CALN1: variants seen among roughly 807,000 people sequenced by gnomAD.
CALN1 encodes the protein calneuron 1.
CALN1 carries 17 observed loss-of-function variants against 30.6 expected under a neutral mutation model. That is an observed-to-expected ratio of 0.56 (90% CI 0.38 to 0.83). The LOEUF is 0.83. CALN1 is among the 40% of genes least tolerant of loss of function. The pLI is 0.00. For missense variants in CALN1, 291 were observed against 354.9 expected, an observed-to-expected ratio of 0.82 and a Z score of 1.45; for synonymous variants, 156 against 131.4, an observed-to-expected ratio of 1.19 and a Z score of -1.28.
At chr7:71,808,993 C>T (rs759259269) in intron 6 of CALN1, among the ~76,000 whole-genome samples, 4 of 152,146 alleles carry the variant, frequency 2.6e-5, no homozygotes, top group Non-Finnish European at 5.9e-5. Context: ...CAGTGTGACT[C>T]CCACTCCAAA....
At chr7:72,432,293 G>A (rs1246106272) in intron 1 of CALN1, among the ~76,000 whole-genome samples, 4 of 152,110 alleles carry the variant, frequency 2.6e-5, no homozygotes, top group Non-Finnish European at 5.9e-5. Context: ...CCATGGTTGT[G>A]AAGCCTCCCC....
At chr7:72,088,019 T>A (rs1300560671) in intron 4 of CALN1, among the ~76,000 whole-genome samples, 2 of 151,884 alleles carry the variant, frequency 1.3e-5, no homozygotes, top group African/African-American at 4.8e-5. Flanking sequence ...ATTGAAAAAA[T>A]TTGCCAGGTG....
intron 3 of CALN1, among the ~76,000 whole-genome samples, chr7:72,192,970 T>C (rs1249593280): frequency 1.3e-5 from 2 of 151,886 alleles, no homozygotes; most frequent in Non-Finnish European, 2.9e-5. Context: ...GGCGGATCAC[T>C]TGAGGTCAGG....
At chr7:71,788,703 G>C (rs1437703601) in intron 6 of CALN1, among the ~76,000 whole-genome samples, 3 of 151,822 alleles carry the variant, frequency 2.0e-5, no homozygotes. Flanking sequence ...TGTCACCCAG[G>C]CTGGAGTGCA....
At chr7:72,177,752 GAAAAA>G (rs71517077) in intron 3 of CALN1, among the ~76,000 whole-genome samples, 3 of 132,140 alleles carry the variant, frequency 2.3e-5, no homozygotes, top group Non-Finnish European at 4.8e-5. Flanking sequence ...GCGACAGAGG[GAAAAA>G]AAAAAAAAAA....
chr7:72,282,325 T>C (rs1319912769), intron 2 of CALN1, among the ~76,000 whole-genome samples: 6 of 152,222 alleles, frequency 3.9e-5, no homozygotes, highest in African/African-American at 1.4e-4. Context: ...CTGTGAAATA[T>C]TTAAGCGACT....
Position 72,062,511 on chromosome 7 carries a change from C to CAAAAAAAA in CALN1, c.389-38750_389-38743dup, listed in dbSNP as rs376093442. On this transcript the variant is annotated intron_variant, in intron 4 of 6. Transcript: ENST00000395275. ...TGGACGACAGAGTGAGACTCTATCT[C>CAAAAAAAA]AAAAAAAAAAAAAAAAAAAGAAAAA... Among the ~76,000 whole-genome samples the CAAAAAAAA allele has an allele frequency of 8.5e-4, 50 of 58,708 alleles. 1 individual carries two copies. Among genetic ancestry groups the CAAAAAAAA allele is most frequent in the East Asian group, 1.7e-3 (4 of 2,396 alleles). The allele number at this position is 58,708 out of a possible 152,430, so 38.5% of individuals were successfully genotyped here. A position where few individuals can be genotyped will look rare whatever the true frequency, so the allele number is the denominator to read the frequency against.
Position 71,924,672 on chromosome 7 carries a change from G to C in CALN1, c.501+98985C>G, listed in dbSNP as rs116178453. Among the ~76,000 whole-genome samples, 1,142 of 151,530 alleles carry C rather than the reference G, an allele frequency of 7.5e-3. 15 individuals carry two copies. Among genetic ancestry groups the C allele is most frequent in the African/African-American group, 0.026 (1,067 of 41,284 alleles). On this transcript the variant is annotated intron_variant, in intron 5 of 6. Coordinates refer to ENST00000395275, the MANE Select transcript of CALN1 (RefSeq NM_031468.4). ...TACTCTATCTGCCTTCATGATATCTGTTTACCTTTGGTTTTCAGTGGTTTG... is the reference window on the plus strand; with the variant it reads ...TACTCTATCTGCCTTCATGATATCTCTTTACCTTTGGTTTTCAGTGGTTTG...
At chr7:71,873,686 G>A (rs1277909885) in intron 5 of CALN1, among the ~76,000 whole-genome samples, 4 of 152,222 alleles carry the variant, frequency 2.6e-5, no homozygotes, top group Admixed American at 2.6e-4. Context: ...GACCTACGTG[G>A]GCAGAATCTT....
intron 2 of CALN1, among the ~76,000 whole-genome samples, chr7:72,346,364 A>T (rs1045244790): frequency 3.9e-5 from 6 of 152,114 alleles, no homozygotes; most frequent in East Asian, 1.9e-4. Flanking sequence ...AGTGATTTTT[A>T]AAAAAATATT....
chr7:72,088,189 A>G (rs904840045), intron 4 of CALN1, among the ~76,000 whole-genome samples: 1 of 152,062 alleles, frequency 6.6e-6, no homozygotes, highest in African/African-American at 2.4e-5. Context: ...AGTGTGAATC[A>G]TATTCCAAGG....
chr7:72,130,309 G>A (rs950482397), intron 3 of CALN1, among the ~76,000 whole-genome samples: 5 of 152,178 alleles, frequency 3.3e-5, no homozygotes, highest in African/African-American at 9.6e-5. Flanking sequence ...AGTAAGCTAA[G>A]CGGATTTTAT....
At chr7:72,053,845 G>A (rs187633145) in intron 4 of CALN1, among the ~76,000 whole-genome samples, 8 of 144,184 alleles carry the variant, frequency 5.5e-5, no homozygotes, top group Admixed American at 2.2e-4. Context: ...ATGCCATCGC[G>A]TCCTCATAGC....
intron 3 of CALN1, among the ~76,000 whole-genome samples, chr7:72,177,093 G>A (rs1789412669): frequency 1.3e-5 from 2 of 152,274 alleles, no homozygotes; most frequent in East Asian, 3.9e-4. Context: ...CGGGATGCGT[G>A]GGTGTAATCC....
Position 72,023,686 on chromosome 7 carries a change from C to T in CALN1, c.472G>A (p.Gly158Arg). 6.2e-7 allele frequency: 1 copy of T among 1,613,938 alleles called. No individual in the cohort carries two copies. The highest frequency in any genetic ancestry group is 8.5e-7 in the Non-Finnish European group (1 of 1,179,926). The change falls in exon 5 of 7, where the codon GGG (glycine) becomes AGG (arginine). Residue 158 changes from glycine to arginine, a missense_variant. Gly to Arg is a moderately radical substitution (Grantham distance 125, BLOSUM62 -2). Around this residue, in one of 2 missense-constraint regions of CALN1, gnomAD observed 169 missense variants for 251.7 expected, o/e 0.67. Transcript: ENST00000395275. ...VSSEGRDGFL[G>R]NTIDSIFWQF... ...CAGAATATGCTGTCTATCGTGTTCC[C>T]AAGAAAACCATCGCGACCTTCTGAA...
intron 3 of CALN1, among the ~76,000 whole-genome samples, chr7:72,148,427 AAAG>A (rs1378226031): frequency 4.1e-5 from 6 of 147,404 alleles, no homozygotes; most frequent in Non-Finnish European, 6.1e-5. Context: ...AAAAGAAAAA[AAAG>A]AAAAAAGAAA....
At chr7:72,166,768 G>A (rs62462851) in intron 3 of CALN1, among the ~76,000 whole-genome samples, 38,624 of 152,064 alleles carry the variant, frequency 0.25, 5,964 homozygotes, top group Non-Finnish European at 0.35. Flanking sequence ...GTCCAGGCGC[G>A]GTGGTGGCTC....
intron 2 of CALN1, among the ~76,000 whole-genome samples, chr7:72,283,054 C>CAA (rs34378708): frequency 4.1e-5 from 5 of 122,326 alleles, no homozygotes; most frequent in African/African-American, 9.3e-5. Context: ...GACTCCATCT[C>CAA]AAAAAAAAAA....
At chr7:72,175,785 C>G (rs1789306227) in intron 3 of CALN1, among the ~76,000 whole-genome samples, 1 of 152,060 alleles carries the variant, frequency 6.6e-6, no homozygotes, top group South Asian at 2.1e-4. Flanking sequence ...CTTCTAACAA[C>G]AAGCAGCCTG....
Sources: allele counts gnomAD v4.1 joint callset (sites outside exome capture counted in the v4.1 genomes callset), GRCh38; gene constraint gnomAD v4.1.1; regional missense constraint gnomAD v4.1.1; transcripts MANE v1.5; gene names NCBI Gene and HGNC (gene_info 2026-07-23, HGNC 2026-07-21).